The following CDH10 variants were observed in gnomAD, a reference collection of about 807,000 sequenced individuals.
CDH10 encodes the protein cadherin 10.
Under a neutral mutation model 73.1 loss-of-function variants are expected in CDH10, and 30 were observed. The observed-to-expected ratio is 0.41, with a 90% CI of 0.31 to 0.56. The LOEUF (loss-of-function observed/expected upper bound fraction) is 0.56. CDH10 is among the 20% of genes least tolerant of loss of function. The pLI is 0.27. For missense variants in CDH10, 815 were observed against 973.7 expected (o/e 0.84, Z 2.17); for synonymous variants, 345 against 348.2 (o/e 0.99, Z 0.10).
intron 5 of CDH10, among the ~76,000 whole-genome samples, chr5:24,512,436 G>A (rs1469076416): frequency 6.6e-6 from 1 of 152,116 alleles, no homozygotes; most frequent in Non-Finnish European, 1.5e-5. Context: ...GCTATATTTA[G>A]TTATTTACTA....
chr5:24,548,770 G>A (rs1302444570), intron 2 of CDH10, among the ~76,000 whole-genome samples: 1 of 151,976 alleles, frequency 6.6e-6, no homozygotes, highest in Non-Finnish European at 1.5e-5. Context: ...TCACTCTGGA[G>A]TCTTTGTGTT....
intron 2 of CDH10, among the ~76,000 whole-genome samples, chr5:24,560,261 C>G (rs1744913143): frequency 6.7e-6 from 1 of 149,162 alleles, no homozygotes; most frequent in South Asian, 2.1e-4. Context: ...TTTCAACATT[C>G]TACACATTTC....
chr5:24,618,291 G>A (rs1747191946), intron 1 of CDH10, among the ~76,000 whole-genome samples: 2 of 152,156 alleles, frequency 1.3e-5, no homozygotes, highest in African/African-American at 4.8e-5. Context: ...AACTTGTTAC[G>A]AAGCAAAAGT....
intron 2 of CDH10, among the ~76,000 whole-genome samples, chr5:24,549,971 AT>A (rs1442243992): frequency 3.3e-5 from 5 of 152,192 alleles, no homozygotes; most frequent in African/African-American, 1.2e-4. Context: ...AAACCAGGGA[AT>A]TTATCCCAAC....
chr5:24,597,480 G>T (rs190018430), intron 1 of CDH10, among the ~76,000 whole-genome samples: 76 of 152,186 alleles, frequency 5.0e-4, no homozygotes, highest in Non-Finnish European at 9.6e-4. Flanking sequence ...GGCGACTGCA[G>T]TCAGAAGATC....
Position 24,511,549 on chromosome 5 carries a change from G to GAC in CDH10, c.815-36_815-35insGT, listed in dbSNP as rs201985598. ...ATAAAGAAAAGAAGAGAGAGACAGA[G>GAC]AGAGAGAGAGAGAGAGAGAGAGAGA... On this transcript the variant is annotated intron_variant, in intron 5 of 11. Transcript: ENST00000264463. The GAC allele has an allele frequency of 0.011, 1,379 of 127,578 alleles. 22 individuals are homozygous for GAC. In the African/African-American group the frequency reaches 0.11, roughly 10 times the overall value. The allele number at this position is 127,578 out of a possible 1,614,324, so 7.9% of individuals were successfully genotyped here.
chr5:24,549,696 C>A (rs1054454809), intron 2 of CDH10, among the ~76,000 whole-genome samples: 2 of 151,702 alleles, frequency 1.3e-5, no homozygotes, highest in Non-Finnish European at 2.9e-5. Context: ...GGATTATAGG[C>A]GCCTGCCACA....
chr5:24,567,627 G>C (rs1473154129), intron 2 of CDH10, among the ~76,000 whole-genome samples: 1 of 151,968 alleles, frequency 6.6e-6, no homozygotes, highest in Non-Finnish European at 1.5e-5. Context: ...TCAGAAAGGT[G>C]GTTGCCTATT....
intron 2 of CDH10, among the ~76,000 whole-genome samples, chr5:24,540,135 C>T (rs955810155): frequency 2.0e-5 from 3 of 151,874 alleles, no homozygotes; most frequent in Non-Finnish European, 4.4e-5. Context: ...TGGAAATTCA[C>T]AAGACAGCCC....
At chr5:24,632,950 C>T (rs1747752309) in intron 1 of CDH10, among the ~76,000 whole-genome samples, 1 of 151,586 alleles carries the variant, frequency 6.6e-6, no homozygotes, top group Non-Finnish European at 1.5e-5. Context: ...TAGGATGTAA[C>T]ATAAATGTAT....
intron 5 of CDH10, among the ~76,000 whole-genome samples, chr5:24,520,395 A>G (rs1415423328): frequency 1.3e-5 from 2 of 152,206 alleles, no homozygotes; most frequent in Admixed American, 6.6e-5. Flanking sequence ...ACAGTGTGAT[A>G]CTATCTTTAT....
chr5:24,592,997 T>G (rs2112091169), intron 2 of CDH10, among the ~76,000 whole-genome samples: 1 of 151,888 alleles, frequency 6.6e-6, no homozygotes, highest in Middle Eastern at 3.4e-3. Flanking sequence ...AACCATAAAT[T>G]CTAAAATTGC....
chr5:24,643,658 T>C (rs1232324326), intron 1 of CDH10, among the ~76,000 whole-genome samples: 1 of 152,198 alleles, frequency 6.6e-6, no homozygotes, highest in Non-Finnish European at 1.5e-5. Context: ...AGGAAACATC[T>C]GTTTTTTCAA....
chr5:24,558,898 A>G (rs1238392232), intron 2 of CDH10, among the ~76,000 whole-genome samples: 2 of 151,840 alleles, frequency 1.3e-5, no homozygotes, highest in Non-Finnish European at 3.0e-5. Flanking sequence ...TTCCATTTCA[A>G]GATCCAGATT....
chr5:24,546,882 A>G (rs925339483), intron 2 of CDH10, among the ~76,000 whole-genome samples: 8 of 152,274 alleles, frequency 5.3e-5, no homozygotes, highest in African/African-American at 1.9e-4. Flanking sequence ...ATGTCAAACA[A>G]ATAAATAAAA....
intron 7 of CDH10, among the ~76,000 whole-genome samples, chr5:24,509,272 C>A (rs1742808917): frequency 2.0e-5 from 2 of 98,988 alleles, no homozygotes; most frequent in Non-Finnish European, 3.6e-5. Context: ...ACAGATTCAT[C>A]TCTGTCGCTC....
chr5:24,619,845 C>G (rs1747251381), intron 1 of CDH10, among the ~76,000 whole-genome samples: 1 of 152,148 alleles, frequency 6.6e-6, no homozygotes, highest in African/African-American at 2.4e-5. Flanking sequence ...GGAGCTGTCT[C>G]TGTACCAGAA....
chr5:24,522,548 CTA>C (rs1397238193), intron 5 of CDH10, among the ~76,000 whole-genome samples: 4 of 152,152 alleles, frequency 2.6e-5, no homozygotes, highest in African/African-American at 9.6e-5. Context: ...GCGTCCCTGA[CTA>C]TGAAGATTAG....
chr5:24,495,678 C>T (rs988219393), intron 9 of CDH10, among the ~76,000 whole-genome samples: 1 of 151,314 alleles, frequency 6.6e-6, no homozygotes, highest in Non-Finnish European at 1.5e-5. Context: ...GAAACCCTGC[C>T]TCTACTAAAA....
Sources: allele counts gnomAD v4.1 joint callset (sites outside exome capture counted in the v4.1 genomes callset), GRCh38; gene constraint gnomAD v4.1.1; transcripts MANE v1.5; gene names NCBI Gene and HGNC (gene_info 2026-07-23, HGNC 2026-07-21).